RNF216: variants seen among roughly 807,000 people sequenced by gnomAD.
The protein encoded by RNF216 is E3 ubiquitin-protein ligase RNF216.
RNF216 carries 72 observed loss-of-function variants against 110.8 expected under a neutral mutation model. That is an observed-to-expected ratio of 0.65 (90% CI 0.54 to 0.79). The LOEUF is 0.79. Among genes scored for constraint, RNF216 ranks in the 30% least tolerant of loss-of-function variants. The pLI is 0.00. For synonymous variants in RNF216, 495 were observed against 407.5 expected, an observed-to-expected ratio of 1.21 and a Z score of -2.59; for missense variants, 1,342 against 1,141.2, an observed-to-expected ratio of 1.18 and a Z score of -2.54.
chr7:5,778,209 C>T (rs538713606), intron 1 of RNF216, among the ~76,000 whole-genome samples: 10 of 152,334 alleles, frequency 6.6e-5, no homozygotes, highest in South Asian at 2.1e-4. Context: ...CTTTTCCCCC[C>T]GCATTCACCA....
intron 14 of RNF216, among the ~76,000 whole-genome samples, chr7:5,642,756 A>C (rs1489566475): frequency 6.6e-6 from 1 of 152,184 alleles, no homozygotes; most frequent in Non-Finnish European, 1.5e-5. Flanking sequence ...TGAGATTACA[A>C]GCGTGAGCCA....
intron 13 of RNF216, among the ~76,000 whole-genome samples, chr7:5,653,507 A>C (rs1487227513): frequency 6.8e-6 from 1 of 146,348 alleles, no homozygotes; most frequent in Non-Finnish European, 1.5e-5. Context: ...AGGCTGAAGC[A>C]GGAGAAAGGC....
intron 13 of RNF216, among the ~76,000 whole-genome samples, chr7:5,710,389 A>C (rs1164796876): frequency 6.6e-6 from 1 of 151,760 alleles, no homozygotes; most frequent in African/African-American, 2.4e-5. Context: ...AAAAACAAAA[A>C]ACGTCCTCAG....
rs182903392 is a variant in RNF216, at chr7:5,753,441, G to C, written c.68-462C>G. Among the ~76,000 whole-genome samples the C allele has an allele frequency of 5.3e-5, 8 of 152,250 alleles. No homozygotes were observed. In the East Asian group the frequency reaches 1.5e-3, roughly 29 times the overall value. Reference sequence around the variant, plus strand: ...TGCTCATCTTAAACACAAACTTTAAGAATCATTTAAGCAAACCTATGTCAA... The same window carrying C: ...TGCTCATCTTAAACACAAACTTTAACAATCATTTAAGCAAACCTATGTCAA... On this transcript the variant is annotated intron_variant, in intron 2 of 16. Coordinates refer to ENST00000389902, the MANE Select transcript of RNF216 (RefSeq NM_207111.4).
At chr7:5,762,383 T>A (rs1795980199) in intron 1 of RNF216, among the ~76,000 whole-genome samples, 1 of 150,868 alleles carries the variant, frequency 6.6e-6, no homozygotes, top group African/African-American at 2.4e-5. Context: ...ACAGGCTGGG[T>A]GCGGTGGCTC....
At chr7:5,637,134 T>C (rs539554483) in intron 15 of RNF216, among the ~76,000 whole-genome samples, 3 of 152,230 alleles carry the variant, frequency 2.0e-5, no homozygotes, top group South Asian at 4.2e-4. Flanking sequence ...TTCCTAGAGA[T>C]GGTTGCCTCC....
At chr7:5,737,629 T>C (rs377706040) in intron 5 of RNF216, among the ~76,000 whole-genome samples, 2 of 152,128 alleles carry the variant, frequency 1.3e-5, no homozygotes, top group East Asian at 3.9e-4. Context: ...GCTCCAACAG[T>C]GTCATTGTAC....
At chr7:5,633,635 G>A (rs1787215512) in intron 15 of RNF216, among the ~76,000 whole-genome samples, 1 of 152,158 alleles carries the variant, frequency 6.6e-6, no homozygotes, top group Non-Finnish European at 1.5e-5. Flanking sequence ...TTTTAACAGG[G>A]AGGGAGATTT....
At chr7:5,777,084 G>GA (rs1472342700) in intron 1 of RNF216, among the ~76,000 whole-genome samples, 1 of 152,134 alleles carries the variant, frequency 6.6e-6, no homozygotes, top group Non-Finnish European at 1.5e-5. Context: ...AGATCACACA[G>GA]AAAGACCTGA....
At chr7:5,728,808 C>A (rs1793916273) in intron 7 of RNF216, among the ~76,000 whole-genome samples, 1 of 152,136 alleles carries the variant, frequency 6.6e-6, no homozygotes, top group African/African-American at 2.4e-5. Flanking sequence ...TAAGAGCGAC[C>A]AAGAGGAGTA....
intron 7 of RNF216, among the ~76,000 whole-genome samples, chr7:5,728,471 G>A (rs1463110993): frequency 2.0e-5 from 3 of 151,982 alleles, no homozygotes; most frequent in African/African-American, 7.3e-5. Context: ...CTACTCAGGA[G>A]GCTGAGACAG....
chr7:5,718,595 G>A (rs1281696528), intron 9 of RNF216, among the ~76,000 whole-genome samples: 2 of 147,448 alleles, frequency 1.4e-5, no homozygotes, highest in African/African-American at 5.0e-5. Context: ...TGCCCAGGCT[G>A]GAGTGCAGTG....
At chr7:5,736,237 C>A (rs1794389023) in intron 5 of RNF216, among the ~76,000 whole-genome samples, 1 of 152,220 alleles carries the variant, frequency 6.6e-6, no homozygotes, top group African/African-American at 2.4e-5. Context: ...CCTGCCTCAG[C>A]CTGCCGAGTG....
intron 13 of RNF216, among the ~76,000 whole-genome samples, chr7:5,655,074 T>C (rs1049870005): frequency 6.6e-6 from 1 of 152,210 alleles, no homozygotes; most frequent in Non-Finnish European, 1.5e-5. Context: ...CTTTTTAGCA[T>C]TCCTGGCAAT....
intron 15 of RNF216, among the ~76,000 whole-genome samples, chr7:5,628,496 G>A (rs113652216): frequency 6.6e-6 from 1 of 151,918 alleles, no homozygotes; most frequent in Non-Finnish European, 1.5e-5. Flanking sequence ...TACGCTTTTA[G>A]CTAATATGTT....
chr7:5,711,948 C>CA (rs1792726592), intron 12 of RNF216, 109 bp from the exon 13 acceptor site: 1 of 889,642 alleles, frequency 1.1e-6, no homozygotes, highest in Non-Finnish European at 1.8e-6. Context: ...TGGACATTCA[C>CA]ATCCCCTTTA....
intron 3 of RNF216, among the ~76,000 whole-genome samples, chr7:5,752,258 C>T (rs1795371922): frequency 6.6e-6 from 1 of 151,882 alleles, no homozygotes; most frequent in Non-Finnish European, 1.5e-5. Context: ...TATAAAATAA[C>T]CAAGAAAAAC....
At chr7:5,640,201 TC>T (rs1485895260) in intron 15 of RNF216, among the ~76,000 whole-genome samples, 3 of 151,990 alleles carry the variant, frequency 2.0e-5, no homozygotes, top group African/African-American at 7.2e-5. Context: ...CCTGACCCTC[TC>T]CCCCAGTTTT....
intron 13 of RNF216, among the ~76,000 whole-genome samples, chr7:5,673,859 ATTTT>A (rs756283994): frequency 8.2e-6 from 1 of 121,594 alleles, no homozygotes. Context: ...TCTTTCTCTC[ATTTT>A]TTTTTTTTTT....
Sources: gnomAD v4.1 joint callset for allele counts (sites outside exome capture counted in the v4.1 genomes callset) on GRCh38, gnomAD v4.1.1 for gene constraint, MANE v1.5 for transcripts, NCBI Gene and HGNC (gene_info 2026-07-23, HGNC 2026-07-21) for gene names.